TBC1D14: variants seen among roughly 807,000 people sequenced by gnomAD.
TBC1D14 encodes the protein TBC1 domain family, member 14.
In TBC1D14, 26 loss-of-function variants were observed where a neutral mutation model predicts 79.0. That is an observed-to-expected ratio of 0.33 (90% CI 0.24 to 0.46). The LOEUF is 0.46. Ranked by LOEUF, TBC1D14 falls within the 20% of genes least tolerant of loss-of-function variation. The pLI is 1.00. For missense variants in TBC1D14, 769 were observed against 887.6 expected (o/e 0.87, Z 1.70); for synonymous variants, 394 against 349.9 (o/e 1.13, Z -1.40).
At chr4:6,991,684 CG>C (rs1290125995) in intron 3 of TBC1D14, among the ~76,000 whole-genome samples, 1 of 152,098 alleles carries the variant, frequency 6.6e-6, no homozygotes, top group African/African-American at 2.4e-5. Flanking sequence ...GCAGCCCCTT[CG>C]GGGGGCTGGT....
intron 2 of TBC1D14, among the ~76,000 whole-genome samples, chr4:6,942,749 G>A (rs1713028716): frequency 6.6e-6 from 1 of 152,130 alleles, no homozygotes; most frequent in South Asian, 2.1e-4. Flanking sequence ...AACCAGGCAC[G>A]AGGAAGAAGG....
At chr4:6,931,122 A>G (rs1560254229) in intron 2 of TBC1D14, among the ~76,000 whole-genome samples, 1 of 152,054 alleles carries the variant, frequency 6.6e-6, no homozygotes. Context: ...GCTGGTCTCG[A>G]ACTTCTGACT....
At chr4:7,019,027 TTG>T (rs1721554531) in intron 12 of TBC1D14, among the ~76,000 whole-genome samples, 3 of 151,260 alleles carry the variant, frequency 2.0e-5, no homozygotes, top group African/African-American at 2.4e-5. Context: ...TCTTTTTTTG[TTG>T]TTGTTGTTGT....
At position 6,923,994 on chromosome 4, in the gene TBC1D14, A is replaced by C; in HGVS notation, c.605A>C (p.Asn202Thr). 6.2e-7 allele frequency: 1 copy of C among 1,614,060 alleles called. No homozygotes were observed. The highest frequency in any genetic ancestry group is 1.1e-5 in the South Asian group (1 of 91,080). The change falls in exon 2 of 14, where the codon AAC (asparagine) becomes ACC (threonine). Residue 202 changes from asparagine to threonine, a missense_variant. Asn to Thr is a moderately conservative substitution (Grantham distance 65). Transcript: ENST00000409757. ...AATGACGATGACCCACAGTTTACCA[A>C]CGTCACCTTGAGCTCTATCAAGGAA... is the stretch of plus-strand genomic sequence containing the variant. The part of the protein sequence containing the change: ...LENDDDPQFT[N>T]VTLSSIKETR...
chr4:7,010,231 G>A (rs1048828054), intron 10 of TBC1D14, among the ~76,000 whole-genome samples: 9 of 152,280 alleles, frequency 5.9e-5, no homozygotes, highest in East Asian at 1.9e-4. Flanking sequence ...CCTTAACCAC[G>A]TTAAAAGCAG....
intron 3 of TBC1D14, among the ~76,000 whole-genome samples, chr4:6,989,221 C>T (rs1157102054): frequency 1.3e-5 from 2 of 152,162 alleles, no homozygotes; most frequent in African/African-American, 2.4e-5. Flanking sequence ...GTAGACCCTG[C>T]CCCTGGATGC....
intron 2 of TBC1D14, among the ~76,000 whole-genome samples, chr4:6,945,003 A>AT (rs1476647924): frequency 6.6e-6 from 1 of 152,176 alleles, no homozygotes; most frequent in Non-Finnish European, 1.5e-5. Flanking sequence ...ACCCCAGCTC[A>AT]TGTTCCTGAT....
At chr4:6,954,115 C>G in intron 2 of TBC1D14, 1 of 592,280 alleles carries the variant, frequency 1.7e-6, no homozygotes, top group South Asian at 2.0e-5. Flanking sequence ...GCCCGCCCTG[C>G]CGCCCCCGCC....
chr4:6,935,497 T>A (rs1019891294), intron 2 of TBC1D14, among the ~76,000 whole-genome samples: 2 of 152,192 alleles, frequency 1.3e-5, no homozygotes, highest in Admixed American at 1.3e-4. Flanking sequence ...TGCTTGCTCT[T>A]GCAGGCACTC....
chr4:6,951,061 G>A (rs1713992018), intron 2 of TBC1D14, among the ~76,000 whole-genome samples: 2 of 152,160 alleles, frequency 1.3e-5, no homozygotes, highest in Non-Finnish European at 2.9e-5. Flanking sequence ...AAACCAAGGC[G>A]GGCAGATCAA....
intron 1 of TBC1D14, among the ~76,000 whole-genome samples, chr4:6,917,036 C>A (rs1039495810): frequency 2.0e-5 from 3 of 152,220 alleles, no homozygotes; most frequent in Non-Finnish European, 2.9e-5. Flanking sequence ...CTGGTCTAGC[C>A]CCTAACCAGT....
rs555255140 is a variant in TBC1D14, at chr4:6,954,751, C to T, written c.723-12553C>T. Among the ~76,000 whole-genome samples the T allele has an allele frequency of 2.0e-5, 3 of 152,340 alleles. No individual in the cohort carries two copies. The South Asian group carries it at 6.2e-4, about 32-fold the overall frequency. Reference sequence around the variant, plus strand: ...AAGTAGCTGGGACTACAAACGTGTGCCACGACGCCTGGCTAATTTTTGTAT... The same window carrying T: ...AAGTAGCTGGGACTACAAACGTGTGTCACGACGCCTGGCTAATTTTTGTAT... On this transcript the variant is annotated intron_variant, in intron 2 of 13. Transcript: ENST00000409757.
intron 13 of TBC1D14, 119 bp from the exon 14 acceptor site, chr4:7,030,208 G>A: frequency 2.3e-6 from 2 of 858,238 alleles, no homozygotes; most frequent in South Asian, 2.9e-5. Context: ...AGGGTTGGAG[G>A]CAGTGGAAGT....
In TBC1D14 at chr4:6,988,224, G is replaced by A. The variant is rs116649793; in HGVS notation, c.844-5960G>A. On this transcript the variant is annotated intron_variant, in intron 3 of 13. Coordinates refer to ENST00000409757, the MANE Select transcript of TBC1D14 (RefSeq NM_020773.3). ...AGTGTGAGACCAGCCGCGGTGTTGC[G>A]GACACTTTCAGTTTCGTGCCCTTTT... Among the ~76,000 whole-genome samples the A allele has an allele frequency of 4.4e-3, 676 of 152,286 alleles. 6 individuals carry two copies. Among genetic ancestry groups the A allele is most frequent in the African/African-American group, 0.015 (615 of 41,556 alleles).
intron 2 of TBC1D14, among the ~76,000 whole-genome samples, chr4:6,930,572 T>C (rs13114976): frequency 0.65 from 98,737 of 151,872 alleles, 32,680 homozygotes; most frequent in South Asian, 0.8. Context: ...CTGAGGCGGG[T>C]AGATCACTTG....
chr4:6,931,846 A>G (rs1168435237), intron 2 of TBC1D14, among the ~76,000 whole-genome samples: 1 of 152,116 alleles, frequency 6.6e-6, no homozygotes, highest in Non-Finnish European at 1.5e-5. Flanking sequence ...TCATTTGTGA[A>G]CAAAACAGAG....
chr4:6,983,416 G>T (rs1053003047), intron 3 of TBC1D14, among the ~76,000 whole-genome samples: 15 of 152,160 alleles, frequency 9.9e-5, no homozygotes, highest in African/African-American at 3.1e-4. Context: ...TCCTAGAGGT[G>T]TGCTACAAAT....
intron 1 of TBC1D14, among the ~76,000 whole-genome samples, chr4:6,920,325 G>A (rs1015879332): frequency 5.3e-5 from 8 of 151,730 alleles, no homozygotes; most frequent in Non-Finnish European, 1.0e-4. Context: ...AGGCTGGAGT[G>A]CAGTGGTGAT....
chr4:6,987,486 C>G, intron 3 of TBC1D14: 1 of 828,658 alleles, frequency 1.2e-6, no homozygotes, highest in East Asian at 3.4e-5. Flanking sequence ...TGCGGTTGTG[C>G]GGGTGTGCGA....
Sources: gnomAD v4.1 joint callset for allele counts (sites outside exome capture counted in the v4.1 genomes callset) on GRCh38, gnomAD v4.1.1 for gene constraint, MANE v1.5 for transcripts, NCBI Gene and HGNC (gene_info 2026-07-23, HGNC 2026-07-21) for gene names.